The following SOD2 variants were observed in gnomAD, a reference collection of about 807,000 sequenced individuals.
The protein encoded by SOD2 is superoxide dismutase 2, also known as superoxide dismutase [Mn], mitochondrial.
A neutral mutation model predicts 27.0 loss-of-function variants in SOD2; 11 were observed. The observed-to-expected ratio is 0.41, with a 90% CI of 0.26 to 0.67. SOD2 has a LOEUF of 0.67. Ranked by LOEUF, SOD2 falls within the 30% of genes least tolerant of loss-of-function variation. The pLI, the probability that SOD2 is intolerant of heterozygous loss-of-function variation, is 0.34. For synonymous variants in SOD2, 105 were observed against 103.0 expected (o/e 1.02, Z -0.12); for missense variants, 250 against 274.5 (o/e 0.91, Z 0.63).
chr6:159,737,249 A>G (rs1182858695), intron 1 of SOD2, among the ~76,000 whole-genome samples: 2 of 152,032 alleles, frequency 1.3e-5, no homozygotes, highest in Non-Finnish European at 2.9e-5. Flanking sequence ...GGGTTTTACC[A>G]TGTTGCCCAG....
In SOD2 at chr6:159,677,019, C is replaced by T. The variant is rs1779794791; in HGVS notation, c.*5474G>A. On this transcript the variant is annotated 3_prime_UTR_variant, in exon 5 of 5. Coordinates refer to ENST00000538183, the MANE Select transcript of SOD2 (RefSeq NM_000636.4). ...CCTCTCTGTGGATATGCTGTGTTAACTTCTGAGCCTTGGGGATACCCATAT... is the reference window on the plus strand; with the variant it reads ...CCTCTCTGTGGATATGCTGTGTTAATTTCTGAGCCTTGGGGATACCCATAT... 6.6e-6 allele frequency: 1 copy of T among 152,220 alleles called. No individual in the cohort carries two copies. Among genetic ancestry groups the T allele is most frequent in the Non-Finnish European group, 1.5e-5 (1 of 68,044 alleles). The allele number at this position is 152,220 out of a possible 1,614,324, so 9.4% of individuals were successfully genotyped here.
At position 159,673,147 on chromosome 6, in the gene SOD2, A is replaced by G. The variant is rs1229081872; in HGVS notation, c.*9346T>C. The G allele has an allele frequency of 6.6e-6, 1 of 152,192 alleles. No individual in the cohort carries two copies. Among genetic ancestry groups the G allele is most frequent in the Non-Finnish European group, 1.5e-5 (1 of 68,040 alleles). The allele number at this position is 152,192 out of a possible 1,614,324, so 9.4% of individuals were successfully genotyped here. A position where few individuals can be genotyped will look rare whatever the true frequency, so the allele number is the denominator to read the frequency against. ...AGATTTAGACTCCCACACAATAACA[A>G]TGGGAGACTCTAACACCCCACTGTC... is the stretch of plus-strand genomic sequence containing the variant. On this transcript the variant is annotated 3_prime_UTR_variant, in exon 5 of 5. Transcript: ENST00000538183.
At chr6:159,759,129 G>C (rs900571046) in intron 1 of SOD2, among the ~76,000 whole-genome samples, 4 of 149,388 alleles carry the variant, frequency 2.7e-5, no homozygotes, top group African/African-American at 9.8e-5. Flanking sequence ...GTGCAATCTC[G>C]GCCCACCACA....
chr6:159,742,256 T>C, intron 1 of SOD2: 1 of 912,050 alleles, frequency 1.1e-6, no homozygotes, highest in Non-Finnish European at 1.7e-6. Context: ...CGTGTTTTAT[T>C]ATAAGAACTG....
exon 1 of SOD2, chr6:159,762,245 C>T (rs1006450984): frequency 7.1e-7 from 1 of 1,404,366 alleles, no homozygotes; most frequent in Middle Eastern, 2.5e-4. Context: ...GTGGAGGAAG[C>T]CGGTCAGGCC....
At chr6:159,752,018 A>G (rs1216081290) in intron 1 of SOD2, among the ~76,000 whole-genome samples, 1 of 151,276 alleles carries the variant, frequency 6.6e-6, no homozygotes, top group Non-Finnish European at 1.5e-5. Flanking sequence ...AGCTGAGATC[A>G]CGCCACTGCA....
At chr6:159,710,575 T>G (rs2114819592) in intron 1 of SOD2, among the ~76,000 whole-genome samples, 1 of 152,270 alleles carries the variant, frequency 6.6e-6, no homozygotes, top group Middle Eastern at 3.4e-3. Context: ...CTCCCATAAG[T>G]GCACTGCTTT....
At chr6:159,743,627 C>G (rs1779392577) in intron 1 of SOD2, 3 of 1,553,540 alleles carry the variant, frequency 1.9e-6, no homozygotes, top group East Asian at 4.6e-5. Flanking sequence ...AGAACTTGAT[C>G]TTAAAATTGT....
chr6:159,759,635 A>T (rs1780082948), intron 1 of SOD2, among the ~76,000 whole-genome samples: 1 of 146,830 alleles, frequency 6.8e-6, no homozygotes, highest in African/African-American at 2.5e-5. Flanking sequence ...GCGCCACTGC[A>T]CTCCAGCCTG....
At chr6:159,755,529 G>A (rs759376375) in intron 1 of SOD2, 1 of 1,614,148 alleles carries the variant, frequency 6.2e-7, no homozygotes, top group South Asian at 1.1e-5. Context: ...GCAGTGAGTG[G>A]GAAAGGTAAT....
chr6:159,681,808 G>T lies in SOD2; in HGVS notation c.*685C>A, dbSNP rs1779974796. 6.6e-6 allele frequency: 1 copy of T among 152,184 alleles called. No homozygotes were observed. Among genetic ancestry groups the T allele is most frequent in the Non-Finnish European group, 1.5e-5 (1 of 68,026 alleles). The allele number at this position is 152,184 out of a possible 1,614,324, so 9.4% of individuals were successfully genotyped here. A position where few individuals can be genotyped will look rare whatever the true frequency, so the allele number is the denominator to read the frequency against. Reference sequence around the variant, plus strand: ...GGAGATTGGGTCTCAAGCATGAGCTGCCCAATTCTCCTTGCTTGGCGCCCT... The same window carrying T: ...GGAGATTGGGTCTCAAGCATGAGCTTCCCAATTCTCCTTGCTTGGCGCCCT... On this transcript the variant is annotated 3_prime_UTR_variant, in exon 5 of 5. Transcript: ENST00000538183.
At chr6:159,751,708 T>C (rs73022781) in intron 1 of SOD2, among the ~76,000 whole-genome samples, 22,030 of 152,232 alleles carry the variant, frequency 0.14, 2,065 homozygotes, top group Non-Finnish European at 0.21. Flanking sequence ...CAGGTTGAAC[T>C]CTTCAGGTAT....
In SOD2 at chr6:159,670,980, C is replaced by A. The variant is rs1195298405; in HGVS notation, c.*11513G>T. The A allele has an allele frequency of 6.6e-6, 1 of 152,420 alleles. No individual in the cohort carries two copies. Among genetic ancestry groups the A allele is most frequent in the East Asian group, 1.9e-4 (1 of 5,200 alleles). 9.4% of individuals were successfully genotyped at this position (152,420 alleles called of 1,614,324 possible). A position where few individuals can be genotyped will look rare whatever the true frequency, so the allele number is the denominator to read the frequency against. ...CTCGGAGGGTCCCACGCCCATGGAGCCTTGCTCATTGCTAGCACAGCAGTC... is the reference window on the plus strand; with the variant it reads ...CTCGGAGGGTCCCACGCCCATGGAGACTTGCTCATTGCTAGCACAGCAGTC... On this transcript the variant is annotated 3_prime_UTR_variant, in exon 5 of 5. Coordinates refer to ENST00000538183, the MANE Select transcript of SOD2 (RefSeq NM_000636.4).
At chr6:159,735,058 A>G (rs1293262256) in intron 1 of SOD2, among the ~76,000 whole-genome samples, 1 of 152,218 alleles carries the variant, frequency 6.6e-6, no homozygotes, top group Non-Finnish European at 1.5e-5. Context: ...AAAGAAGCTA[A>G]TTTTGAGATA....
At chr6:159,698,793 G>A (rs1004810344) in intron 1 of SOD2, among the ~76,000 whole-genome samples, 44 of 150,882 alleles carry the variant, frequency 2.9e-4, no homozygotes, top group Non-Finnish European at 2.5e-4. Context: ...GTAAGCTAGA[G>A]AAAAGAAAAA....
Position 159,681,658 on chromosome 6 carries a change from A to G in SOD2, c.*835T>C, listed in dbSNP as rs1463423986. On this transcript the variant is annotated 3_prime_UTR_variant, in exon 5 of 5. Coordinates refer to ENST00000538183, the MANE Select transcript of SOD2 (RefSeq NM_000636.4). Reference sequence around the variant, plus strand: ...TATAAGCTTCATGTAGTGATTTACAATTTTGGTATACAGCCATACCACCCT... The same window carrying G: ...TATAAGCTTCATGTAGTGATTTACAGTTTTGGTATACAGCCATACCACCCT... 1 of 152,136 alleles carries G rather than the reference A, an allele frequency of 6.6e-6. No homozygotes were observed. Among genetic ancestry groups the G allele is most frequent in the Non-Finnish European group, 1.5e-5 (1 of 68,032 alleles). 9.4% of individuals were successfully genotyped at this position (152,136 alleles called of 1,614,324 possible). A position where few individuals can be genotyped will look rare whatever the true frequency, so the allele number is the denominator to read the frequency against.
intron 1 of SOD2, among the ~76,000 whole-genome samples, chr6:159,703,074 G>GA (rs1777556312): frequency 6.6e-6 from 1 of 152,092 alleles, no homozygotes; most frequent in Admixed American, 6.5e-5. Flanking sequence ...CAGCACTTTT[G>GA]AAGGCCGAGG....
upstream of SOD2, among the ~76,000 whole-genome samples, chr6:159,747,560 C>T (rs189108684): frequency 6.6e-6 from 1 of 152,238 alleles, no homozygotes; most frequent in African/African-American, 2.4e-5. Context: ...ACTCTTGTAG[C>T]TATAAGTACT....
At chr6:159,724,830 C>T (rs547763800) in intron 1 of SOD2, among the ~76,000 whole-genome samples, 3 of 134,568 alleles carry the variant, frequency 2.2e-5, no homozygotes, top group South Asian at 2.2e-4. Context: ...CCAGCCTGGA[C>T]GACAGAGTCA....
Sources: allele counts gnomAD v4.1 joint callset (sites outside exome capture counted in the v4.1 genomes callset), GRCh38; gene constraint gnomAD v4.1.1; transcripts MANE v1.5; gene names NCBI Gene and HGNC (gene_info 2026-07-23, HGNC 2026-07-21).